The following HERC3 variants were observed in gnomAD, a reference collection of about 807,000 sequenced individuals.
The protein encoded by HERC3 is probable E3 ubiquitin-protein ligase HERC3.
A neutral mutation model predicts 129.9 loss-of-function variants in HERC3; 58 were observed. The ratio of observed to expected loss-of-function variants is 0.45; its 90% CI spans 0.36 to 0.56. HERC3 has a LOEUF of 0.56. Ranked by LOEUF, HERC3 falls within the 20% of genes least tolerant of loss-of-function variation. HERC3 has a pLI of 0.00. For synonymous variants in HERC3, 430 were observed against 451.0 expected, an observed-to-expected ratio of 0.95 and a Z score of 0.59; for missense variants, 835 against 1,244.2, an observed-to-expected ratio of 0.67 and a Z score of 4.95.
chr4:88,641,359 A>G (rs1023843695), intron 3 of HERC3, among the ~76,000 whole-genome samples: 1 of 152,248 alleles, frequency 6.6e-6, no homozygotes, highest in Non-Finnish European at 1.5e-5. Flanking sequence ...TAGAAAGAAA[A>G]GTATTCAATC....
the HERC3 span, among the ~76,000 whole-genome samples, chr4:88,547,900 C>T: frequency 1.3e-5 from 2 of 152,160 alleles, no homozygotes; most frequent in East Asian, 3.9e-4. Flanking sequence ...GAATGATCTG[C>T]CTGCCTCGGC....
chr4:88,636,151 T>C (rs1727363969), intron 3 of HERC3, among the ~76,000 whole-genome samples: 1 of 152,198 alleles, frequency 6.6e-6, no homozygotes, highest in African/African-American at 2.4e-5. Context: ...CATAACAGTA[T>C]TAACCTTAAA....
chr4:88,642,916 G>GT (rs892861511), intron 3 of HERC3, among the ~76,000 whole-genome samples: 3 of 150,780 alleles, frequency 2.0e-5, no homozygotes, highest in African/African-American at 7.3e-5. Flanking sequence ...GGGGCGGGGG[G>GT]TGTGTGGGTG....
At chr4:88,666,187 C>T (rs924243249) in intron 12 of HERC3, among the ~76,000 whole-genome samples, 13 of 152,072 alleles carry the variant, frequency 8.5e-5, no homozygotes, top group South Asian at 2.1e-4. Flanking sequence ...TCACAGATTT[C>T]GTATAGAGTT....
chr4:88,696,290 C>A (rs2602122), intron 23 of HERC3: 3,281 of 152,708 alleles, frequency 0.021, 52 homozygotes, highest in African/African-American at 0.038. Flanking sequence ...TTCACAGCTA[C>A]ACCCTAAAAG....
intron 21 of HERC3, among the ~76,000 whole-genome samples, chr4:88,682,882 C>T (rs535467383): frequency 1.3e-5 from 2 of 151,992 alleles, no homozygotes; most frequent in Non-Finnish European, 2.9e-5. Context: ...GTTCTAGATC[C>T]CTGAGGAATC....
intron 4 of HERC3, 132 bp from the exon 5 acceptor site, chr4:88,651,880 G>A: frequency 1.4e-6 from 1 of 706,622 alleles, no homozygotes; most frequent in Non-Finnish European, 2.5e-6. Flanking sequence ...GAACCACTGT[G>A]CCTGGCCTTA....
At chr4:88,567,558 A>G in the HERC3 span, among the ~76,000 whole-genome samples, 300 of 152,068 alleles carry the variant, frequency 2.0e-3, 1 homozygote, top group African/African-American at 6.3e-3. Flanking sequence ...TGCTTGATCA[A>G]TTTTGCTGTT....
intron 3 of HERC3, among the ~76,000 whole-genome samples, chr4:88,646,473 G>T (rs796104856): frequency 7.2e-5 from 11 of 152,320 alleles, no homozygotes; most frequent in African/African-American, 2.6e-4. Context: ...ACTTTAAAGT[G>T]TTGCTGTGGA....
chr4:88,652,099 A>G lies in HERC3; in HGVS notation c.463+11A>G, dbSNP rs192303165. The G allele has an allele frequency of 3.0e-5, 46 of 1,559,318 alleles. No individual in the cohort carries two copies. Among genetic ancestry groups the G allele is most frequent in the Non-Finnish European group, 4.0e-5 (45 of 1,130,018 alleles). Reference sequence around the variant, plus strand: ...TGGCTCTTGCGGCTGGTAAAGTAACATTAAACATATGCTAATGCTATGTTA... The same window carrying G: ...TGGCTCTTGCGGCTGGTAAAGTAACGTTAAACATATGCTAATGCTATGTTA... On this transcript the variant is annotated intron_variant, in intron 5 of 25. Transcript: ENST00000402738.
chr4:88,636,171 G>A (rs994853137), intron 3 of HERC3, among the ~76,000 whole-genome samples: 18 of 152,132 alleles, frequency 1.2e-4, no homozygotes, highest in African/African-American at 4.3e-4. Flanking sequence ...ATGTATATAG[G>A]CTAAATGCCC....
the HERC3 span, among the ~76,000 whole-genome samples, chr4:88,528,368 T>C: frequency 2.6e-5 from 4 of 152,280 alleles, no homozygotes; most frequent in East Asian, 7.7e-4. Flanking sequence ...AGACAACCTT[T>C]CACCTACTGA....
intron 3 of HERC3, among the ~76,000 whole-genome samples, chr4:88,632,303 A>G (rs1407751760): frequency 6.6e-6 from 1 of 152,228 alleles, no homozygotes; most frequent in African/African-American, 2.4e-5. Context: ...AGCAGTGCAA[A>G]GGCTTTGAAA....
the HERC3 span, among the ~76,000 whole-genome samples, chr4:88,545,430 C>CTT: frequency 0.012 from 1,284 of 110,380 alleles, 69 homozygotes; most frequent in African/African-American, 0.039. Context: ...TTTGAGAATT[C>CTT]TTTTTTTTTT....
rs75358311 is a variant in HERC3, at chr4:88,667,837, G to C, written c.1444-55G>C. On this transcript the variant is annotated intron_variant, in intron 13 of 25. Transcript: ENST00000402738. ...CAAATAGCTTATGAACTTAGAGAAA[G>C]TTAACTAGATCTCAAGTATGTTTGA... The C allele has an allele frequency of 6.0e-5, 79 of 1,311,964 alleles. No individual in the cohort carries two copies. In the South Asian group the frequency reaches 6.7e-4, roughly 11 times the overall value. The allele number at this position is 1,311,964 out of a possible 1,614,324, so 81.3% of individuals were successfully genotyped here. A position where few individuals can be genotyped will look rare whatever the true frequency, so the allele number is the denominator to read the frequency against.
chr4:88,570,484 T>C, the HERC3 span, among the ~76,000 whole-genome samples: 3 of 152,214 alleles, frequency 2.0e-5, no homozygotes, highest in African/African-American at 7.2e-5. Context: ...CTATCTGTCC[T>C]GCCTTCCCCT....
the HERC3 span, among the ~76,000 whole-genome samples, chr4:88,540,599 C>T: frequency 6.6e-6 from 1 of 152,082 alleles, no homozygotes. Flanking sequence ...CAGAGAACAC[C>T]ACAAAGATAC....
intron 19 of HERC3, 50 bp from the exon 20 acceptor site, chr4:88,680,043 A>C (rs1473854031): frequency 2.0e-6 from 3 of 1,530,802 alleles, no homozygotes; most frequent in Non-Finnish European, 2.7e-6. Flanking sequence ...AAAGAGATAA[A>C]ATGTGTCATA....
the HERC3 span, among the ~76,000 whole-genome samples, chr4:88,553,746 C>A: frequency 6.6e-6 from 1 of 152,138 alleles, no homozygotes; most frequent in South Asian, 2.1e-4. Context: ...CCATGTTGGC[C>A]AGAATGGTCT....
Sources: allele counts gnomAD v4.1 joint callset (sites outside exome capture counted in the v4.1 genomes callset), GRCh38; gene constraint gnomAD v4.1.1; transcripts MANE v1.5; gene names NCBI Gene and HGNC (gene_info 2026-07-23, HGNC 2026-07-21).